The following DTD1 variants were observed in gnomAD, a reference collection of about 807,000 sequenced individuals.
DTD1 encodes D-tyrosyl-tRNA deacylase 1 homolog.
Under a neutral mutation model 25.6 loss-of-function variants are expected in DTD1, and 13 were observed. The ratio of observed to expected loss-of-function variants is 0.51; its 90% confidence interval spans 0.33 to 0.81. The LOEUF (loss-of-function observed/expected upper bound fraction) is 0.81, where lower values mean the gene tolerates loss of function less well. DTD1 is among the 30% of genes least tolerant of loss of function. The pLI is 0.02. For synonymous variants in DTD1, 110 were observed against 103.6 expected, an observed-to-expected ratio of 1.06 and a Z score of -0.37; for missense variants, 193 against 266.4, an observed-to-expected ratio of 0.72 and a Z score of 1.92.
intron 3 of DTD1, among the ~76,000 whole-genome samples, chr20:18,616,996 G>A (rs2122288821): frequency 6.6e-6 from 1 of 152,084 alleles, no homozygotes; most frequent in African/African-American, 2.4e-5. Context: ...CATTCTCTCT[G>A]GGCTCTTTCC....
At chr20:18,725,055 G>T (rs1454592432) in intron 4 of DTD1, among the ~76,000 whole-genome samples, 2 of 152,264 alleles carry the variant, frequency 1.3e-5, no homozygotes, top group Non-Finnish European at 2.9e-5. Context: ...TATTGAAGAG[G>T]TGGTGTTACA....
intron 3 of DTD1, among the ~76,000 whole-genome samples, chr20:18,608,668 A>G (rs142371924): frequency 2.0e-5 from 3 of 152,352 alleles, no homozygotes; most frequent in African/African-American, 7.2e-5. Context: ...ATACTTAACA[A>G]TTCGGACCAG....
chr20:18,714,835 A>G (rs2061173950), intron 4 of DTD1, among the ~76,000 whole-genome samples: 1 of 152,222 alleles, frequency 6.6e-6, no homozygotes, highest in African/African-American at 2.4e-5. Context: ...ATTTCTTTCA[A>G]TAGGTGATAC....
chr20:18,763,788 T>C lies in DTD1; in HGVS notation c.*448T>C, dbSNP rs1390971400. The C allele has an allele frequency of 6.6e-6, 1 of 152,240 alleles. No homozygotes were observed. Among genetic ancestry groups the C allele is most frequent in the African/African-American group, 2.4e-5 (1 of 41,454 alleles). 9.4% of individuals were successfully genotyped at this position (152,240 alleles called of 1,614,324 possible). A position where few individuals can be genotyped will look rare whatever the true frequency, so the allele number is the denominator to read the frequency against. ...TTTATTGCCAGGGCCCGTGTTGAAG[T>C]GTCAAGAGAGCAATCATCAATGATA... is the stretch of plus-strand genomic sequence containing the variant. On this transcript the variant is annotated 3_prime_UTR_variant, in exon 6 of 6. Coordinates refer to ENST00000377452, the MANE Select transcript of DTD1 (RefSeq NM_080820.6).
At chr20:18,736,631 G>A (rs901572270) in intron 4 of DTD1, among the ~76,000 whole-genome samples, 1 of 152,228 alleles carries the variant, frequency 6.6e-6, no homozygotes. Flanking sequence ...GGCATATCAT[G>A]TACAGAAAAA....
intron 5 of DTD1, among the ~76,000 whole-genome samples, chr20:18,755,875 A>C (rs568188248): frequency 0.038 from 5,749 of 152,048 alleles, 228 homozygotes; most frequent in African/African-American, 0.095. Flanking sequence ...GAACTAGTTT[A>C]CAGTCCCACC....
chr20:18,749,099 G>T lies in DTD1; in HGVS notation c.*19+4828G>T, dbSNP rs1031870490. 6.6e-6 allele frequency among the ~76,000 whole-genome samples: 1 copy of T among 152,178 alleles called. No individual in the cohort carries two copies. The highest frequency in any genetic ancestry group is 1.5e-5 in the Non-Finnish European group (1 of 68,032). Reference sequence around the variant, plus strand: ...GGAGACTCAGCGGGAAGGAGCAGAGGGACAGATGGAGGGGAAGCTGAAGGC... The same window carrying T: ...GGAGACTCAGCGGGAAGGAGCAGAGTGACAGATGGAGGGGAAGCTGAAGGC... On this transcript the variant is annotated intron_variant, in intron 5 of 5. Transcript: ENST00000377452. The surrounding 1 kb of genome is among the most constrained non-coding windows in gnomAD (Gnocchi z 4.2).
At chr20:18,662,851 A>G (rs1485828375) in intron 4 of DTD1, among the ~76,000 whole-genome samples, 1 of 152,146 alleles carries the variant, frequency 6.6e-6, no homozygotes, top group Non-Finnish European at 1.5e-5. Flanking sequence ...GCTGCTTCAG[A>G]TAACTCAGTT....
At chr20:18,664,501 A>T (rs1362542534) in intron 4 of DTD1, among the ~76,000 whole-genome samples, 2 of 151,980 alleles carry the variant, frequency 1.3e-5, no homozygotes, top group Non-Finnish European at 2.9e-5. Flanking sequence ...GTCCTCGGTG[A>T]TGGGAAATTC....
chr20:18,714,580 A>G (rs2061172719), intron 4 of DTD1, among the ~76,000 whole-genome samples: 1 of 152,196 alleles, frequency 6.6e-6, no homozygotes, highest in Non-Finnish European at 1.5e-5. Flanking sequence ...GAAGAAGCAC[A>G]GATCCGGGGT....
rs374908760 is a variant in DTD1 at position 18,599,944 on chromosome 20, A to G, written c.370+3703A>G. On this transcript the variant is annotated intron_variant, in intron 3 of 5. Coordinates refer to ENST00000377452, the MANE Select transcript of DTD1 (RefSeq NM_080820.6). ...TCAGATATGTCTTTTGCAAATATTC[A>G]ACTTGCAAATATTTATCCTTTATCA... Among the ~76,000 whole-genome samples the G allele has an allele frequency of 2.6e-5, 4 of 152,182 alleles. No individual in the cohort carries two copies. In the East Asian group the frequency reaches 7.7e-4, roughly 29 times the overall value.
At chr20:18,752,813 G>A (rs191113901) in intron 5 of DTD1, among the ~76,000 whole-genome samples, 1 of 152,184 alleles carries the variant, frequency 6.6e-6, no homozygotes, top group Admixed American at 6.5e-5. Context: ...CTTACCTGGA[G>A]GTTACTGTTC....
chr20:18,757,713 G>A (rs981859611), intron 5 of DTD1, among the ~76,000 whole-genome samples: 1 of 152,216 alleles, frequency 6.6e-6, no homozygotes, highest in African/African-American at 2.4e-5. Context: ...GTTCATCAGG[G>A]ATATTGGTCT....
intron 3 of DTD1, among the ~76,000 whole-genome samples, chr20:18,603,211 C>T (rs2060642687): frequency 9.0e-6 from 1 of 110,562 alleles, no homozygotes; most frequent in African/African-American, 3.3e-5. Flanking sequence ...ATCAATTCAA[C>T]AAGAAGAGCT....
At chr20:18,755,350 A>G (rs1382023731) in intron 5 of DTD1, among the ~76,000 whole-genome samples, 1 of 152,168 alleles carries the variant, frequency 6.6e-6, no homozygotes, top group African/African-American at 2.4e-5. Context: ...TACATGTGCC[A>G]TGTTGGTATG....
chr20:18,755,616 T>C (rs368425258), intron 5 of DTD1, among the ~76,000 whole-genome samples: 2 of 152,188 alleles, frequency 1.3e-5, no homozygotes, highest in African/African-American at 2.4e-5. Flanking sequence ...TTTTTTATGG[T>C]TGCATAGTAT....
At chr20:18,651,766 G>C (rs186181966) in intron 4 of DTD1, among the ~76,000 whole-genome samples, 1 of 152,136 alleles carries the variant, frequency 6.6e-6, no homozygotes, top group African/African-American at 2.4e-5. Flanking sequence ...ATTGAGAACC[G>C]TGGTTTTAGT....
At chr20:18,639,595 C>T (rs1216836691) in intron 4 of DTD1, among the ~76,000 whole-genome samples, 3 of 152,090 alleles carry the variant, frequency 2.0e-5, no homozygotes, top group Non-Finnish European at 4.4e-5. Context: ...TCAAGAGTCT[C>T]GCAGCAGCCA....
At chr20:18,640,456 C>T (rs1460514181) in intron 4 of DTD1, among the ~76,000 whole-genome samples, 2 of 151,980 alleles carry the variant, frequency 1.3e-5, no homozygotes, top group African/African-American at 2.4e-5. Context: ...CCAGACTTAA[C>T]AAAAATATGT....
Sources: gnomAD v4.1 joint callset for allele counts (sites outside exome capture counted in the v4.1 genomes callset) on GRCh38, gnomAD v4.1.1 for gene constraint, Gnocchi (gnomAD v3.1) non-coding constraint, MANE v1.5 for transcripts, NCBI Gene and HGNC (gene_info 2026-07-23, HGNC 2026-07-21) for gene names.